Variants in ZNF407 observed in about 807,000 individuals in gnomAD.
ZNF407 encodes the protein zinc finger protein 407.
Under a neutral mutation model 131.2 loss-of-function variants are expected in ZNF407, and 17 were observed. The observed-to-expected ratio is 0.13, with a 90% CI of 0.09 to 0.19. The LOEUF (loss-of-function observed/expected upper bound fraction) is 0.19. Ranked by LOEUF, ZNF407 falls within the 10% of genes least tolerant of loss-of-function variation. The probability of loss-of-function intolerance (pLI) is 1.00; values close to 1 mark genes in which losing one functional copy is unlikely to be tolerated. For synonymous variants in ZNF407, 1,156 were observed against 1,062.0 expected, an observed-to-expected ratio of 1.09 and a Z score of -1.72; for missense variants, 2,681 against 2,830.6, an observed-to-expected ratio of 0.95 and a Z score of 1.20.
intron 8 of ZNF407, among the ~76,000 whole-genome samples, chr18:74,928,241 T>G (rs12326691): frequency 0.022 from 3,405 of 152,276 alleles, 145 homozygotes; most frequent in African/African-American, 0.077. Context: ...AGCTCACATG[T>G]CATAGGTGGA....
At chr18:74,623,021 GGTGT>G (rs1178442314) in intron 1 of ZNF407, among the ~76,000 whole-genome samples, 5 of 129,636 alleles carry the variant, frequency 3.9e-5, no homozygotes, top group Admixed American at 1.5e-4. Flanking sequence ...AATGTGAGTT[GGTGT>G]GTGAGTGCAT....
intron 7 of ZNF407, among the ~76,000 whole-genome samples, chr18:74,899,837 G>A (rs769014192): frequency 6.6e-6 from 1 of 152,170 alleles, no homozygotes; most frequent in Admixed American, 6.5e-5. Flanking sequence ...ACCCGTTTTA[G>A]TACAGTAGTG....
chr18:74,774,242 A>C (rs1969421497), intron 3 of ZNF407, among the ~76,000 whole-genome samples: 1 of 152,230 alleles, frequency 6.6e-6, no homozygotes, highest in African/African-American at 2.4e-5. Context: ...TCTCTATCAA[A>C]GAATGCTAGC....
intron 8 of ZNF407, among the ~76,000 whole-genome samples, chr18:74,999,377 A>G (rs537068298): frequency 6.7e-5 from 9 of 134,846 alleles, no homozygotes; most frequent in South Asian, 5.0e-4. Context: ...AAAAAAAAAC[A>G]AAGGTAAAAC....
At chr18:74,676,726 G>A (rs933320371) in intron 3 of ZNF407, among the ~76,000 whole-genome samples, 109 of 152,118 alleles carry the variant, frequency 7.2e-4, no homozygotes, top group Admixed American at 1.5e-3. Context: ...GAGCCACTGT[G>A]CCCGGCCAGT....
chr18:74,762,879 A>T (rs1969128421), intron 3 of ZNF407, among the ~76,000 whole-genome samples: 1 of 151,900 alleles, frequency 6.6e-6, no homozygotes, highest in Non-Finnish European at 1.5e-5. Flanking sequence ...TTTTTTGGAT[A>T]TTTGAAATTA....
chr18:75,046,761 G>T (rs1377745476), intron 8 of ZNF407, among the ~76,000 whole-genome samples: 1 of 112,726 alleles, frequency 8.9e-6, no homozygotes, highest in Non-Finnish European at 1.9e-5. Context: ...TGAAGACAAT[G>T]AAAAAAAAAA....
chr18:74,642,134 T>G (rs1324881258), intron 3 of ZNF407, among the ~76,000 whole-genome samples: 1 of 152,178 alleles, frequency 6.6e-6, no homozygotes, highest in Non-Finnish European at 1.5e-5. Context: ...AGGATGCAGT[T>G]GTGTATTTTG....
chr18:74,945,161 G>C (rs1346629900), intron 8 of ZNF407, among the ~76,000 whole-genome samples: 1 of 152,040 alleles, frequency 6.6e-6, no homozygotes, highest in East Asian at 1.9e-4. Context: ...TTATCTTTAA[G>C]ACCCTGGACT....
intron 4 of ZNF407, among the ~76,000 whole-genome samples, chr18:74,813,296 G>A (rs1970222754): frequency 6.6e-6 from 1 of 152,172 alleles, no homozygotes; most frequent in Admixed American, 6.5e-5. Context: ...CTCAGAGACT[G>A]CATGAGGGCT....
Position 74,634,435 on chromosome 18 carries a change from C to T in ZNF407, c.3416C>T (p.Ser1139Phe). The T allele has an allele frequency of 6.2e-7, 1 of 1,613,642 alleles. No homozygotes were observed. Among genetic ancestry groups the T allele is most frequent in the Non-Finnish European group, 8.5e-7 (1 of 1,179,868 alleles). The change falls in exon 2 of 9, where the codon TCT becomes TTT. Residue 1139 changes from serine (S) to phenylalanine (F), a missense_variant. Physicochemically the swap from Ser to Phe is radical, Grantham distance 155 (BLOSUM62 -2). Around this residue, in one of 6 missense-constraint regions of ZNF407, gnomAD observed 1,789 missense variants for 1,748.7 expected, o/e 1.02. Transcript: ENST00000299687. ...ILNENTNLDM[S>F]KVLCAADSVE... The stretch of plus-strand genomic sequence containing the variant: ...AATGAGAATACTAATTTAGATATGT[C>T]TAAAGTGCTCTGCGCTGCTGACTCT...
Position 74,641,131 on chromosome 18 carries a change from A to G in ZNF407, c.4802+9A>G. ...AAGTGTCATGTCTGTGGGTGAGTAAATTGAAGCCATCTCTGCTGCGTGAAC... is the reference window on the plus strand; with the variant it reads ...AAGTGTCATGTCTGTGGGTGAGTAAGTTGAAGCCATCTCTGCTGCGTGAAC... On this transcript the variant is annotated intron_variant, in intron 3 of 8. Coordinates refer to ENST00000299687, the MANE Select transcript of ZNF407 (RefSeq NM_017757.3). 6.2e-7 allele frequency: 1 copy of G among 1,600,272 alleles called. No individual in the cohort carries two copies. Among genetic ancestry groups the G allele is most frequent in the African/African-American group, 1.3e-5 (1 of 74,744 alleles).
chr18:74,903,517 C>T lies in ZNF407; in HGVS notation c.5249+13479C>T, dbSNP rs941610292. Among the ~76,000 whole-genome samples the T allele has an allele frequency of 5.0e-4, 73 of 144,778 alleles. 2 individuals are homozygous for T. The highest frequency in any genetic ancestry group is 1.1e-4 in the Non-Finnish European group (7 of 66,510). 95.0% of individuals were successfully genotyped at this position (144,778 alleles called of 152,430 possible). A position where few individuals can be genotyped will look rare whatever the true frequency, so the allele number is the denominator to read the frequency against. On this transcript the variant is annotated intron_variant, in intron 7 of 8. Transcript: ENST00000299687. ...TGGATTTTTGGAGGTTGGTTAGGCT[C>T]CCATTTTTCTGTTGTATTTCCTTAA...
intron 3 of ZNF407, among the ~76,000 whole-genome samples, chr18:74,755,851 C>T (rs374188962): frequency 8.6e-6 from 1 of 115,996 alleles, no homozygotes; most frequent in Admixed American, 9.0e-5. Context: ...CTCCCTTCCT[C>T]CCTTCCTCCC....
intron 3 of ZNF407, among the ~76,000 whole-genome samples, chr18:74,756,772 T>C (rs973649372): frequency 6.6e-6 from 1 of 152,176 alleles, no homozygotes; most frequent in Non-Finnish European, 1.5e-5. Context: ...ATTCAGTTGC[T>C]TTACTTGTTA....
intron 3 of ZNF407, among the ~76,000 whole-genome samples, chr18:74,716,458 A>T (rs2144858546): frequency 6.6e-6 from 1 of 152,328 alleles, no homozygotes; most frequent in South Asian, 2.1e-4. Flanking sequence ...GGGTTCACAA[A>T]TGCTGAGGTT....
chr18:74,840,552 T>A (rs1277598794), intron 4 of ZNF407, among the ~76,000 whole-genome samples: 3 of 152,194 alleles, frequency 2.0e-5, no homozygotes, highest in African/African-American at 7.2e-5. Flanking sequence ...TTTTATTTTA[T>A]TTTTTGAACA....
Position 75,063,668 on chromosome 18 carries a change from C to G in ZNF407, c.5947C>G (p.Pro1983Ala). The stretch of plus-strand genomic sequence containing the variant: ...CCTCTCGGAGGCTGGAGTCGCTCCC[C>G]CCGAGGCATCCTCAGCCCTGGATGC... ...LNLSEAGVAP[P>A]EASSALDALL... is the part of the protein sequence containing the mutation. Residue 1983 changes from proline (P) to alanine (A), a missense_variant, in exon 9 of 9, where the codon CCC becomes GCC. Physicochemically the swap from Pro to Ala is conservative, Grantham distance 27. This residue lies in a region of ZNF407 where 620 missense variants were observed against 583.1 expected (regional missense o/e 1.06). Transcript: ENST00000299687. This position sits in a 1 kb window ranked among gnomAD's most constrained non-coding sequence, Gnocchi z 6.6. The G allele has an allele frequency of 6.2e-7, 1 of 1,608,890 alleles. No individual in the cohort carries two copies. The highest frequency in any genetic ancestry group is 2.2e-5 in the East Asian group (1 of 44,696).
chr18:75,042,229 A>G (rs539939588), intron 8 of ZNF407, among the ~76,000 whole-genome samples: 1 of 152,230 alleles, frequency 6.6e-6, no homozygotes, highest in East Asian at 1.9e-4. Context: ...ACAACAGTAA[A>G]AGTAAAATGT....
Sources: allele counts gnomAD v4.1 joint callset (sites outside exome capture counted in the v4.1 genomes callset), GRCh38; gene constraint gnomAD v4.1.1; regional missense constraint gnomAD v4.1.1; non-coding constraint Gnocchi (gnomAD v3.1); transcripts MANE v1.5; gene names NCBI Gene and HGNC (gene_info 2026-07-23, HGNC 2026-07-21).